Variants in SYNJ1 observed in about 807,000 individuals in gnomAD.
SYNJ1 encodes polyphosphatidylinositol phosphatase SYNJ1.
In SYNJ1, 78 loss-of-function variants were observed where a neutral mutation model predicts 168.2. The observed-to-expected ratio is 0.46, with a 90% CI of 0.39 to 0.56. SYNJ1 has a LOEUF of 0.56. Among genes scored for constraint, SYNJ1 ranks in the 20% least tolerant of loss-of-function variants. The pLI, the probability that SYNJ1 is intolerant of heterozygous loss-of-function variation, is 0.00. For synonymous variants in SYNJ1, 539 were observed against 548.6 expected, an observed-to-expected ratio of 0.98 and a Z score of 0.24; for missense variants, 1,303 against 1,597.6, an observed-to-expected ratio of 0.82 and a Z score of 3.14.
rs774821806 is a variant in SYNJ1 at position 32,639,826 on chromosome 21, A to G, written c.3589-47T>C. The G allele has an allele frequency of 2.0e-6, 3 of 1,504,668 alleles. No individual in the cohort carries two copies. In the South Asian group the frequency reaches 3.4e-5, roughly 17 times the overall value. 93.2% of individuals were successfully genotyped at this position (1,504,668 alleles called of 1,614,324 possible). A position where few individuals can be genotyped will look rare whatever the true frequency, so the allele number is the denominator to read the frequency against. On this transcript the variant is annotated intron_variant, in intron 29 of 32. Transcript: ENST00000674351. ...CTTGAGACATTTACTTACCTTCCAC[A>G]GGTAAAATTCTGTGAAAACATTTGC...
At chr21:32,667,300 C>T (rs1004540133) in intron 15 of SYNJ1, among the ~76,000 whole-genome samples, 1 of 152,092 alleles carries the variant, frequency 6.6e-6, no homozygotes, top group African/African-American at 2.4e-5. Context: ...TAACTAATGT[C>T]TTTTTAAAAA....
rs544054940 is a variant in SYNJ1, at chr21:32,661,825, A to G, written c.2304+3088T>C. Among the ~76,000 whole-genome samples, 22 of 152,238 alleles carry G rather than the reference A, an allele frequency of 1.4e-4. No homozygotes were observed. The East Asian group carries it at 4.2e-3, about 29-fold the overall frequency. ...CTCCTCCTATACTAGGGGGACTTCC[A>G]GGCACTCCCCGAGAGTTAGGTGAAA... On this transcript the variant is annotated intron_variant, in intron 18 of 32. Coordinates refer to ENST00000674351, the MANE Select transcript of SYNJ1 (RefSeq NM_203446.3).
chr21:32,639,232 T>C (rs1458400609), intron 30 of SYNJ1, 107 bp from the exon 31 acceptor site: 1 of 1,010,750 alleles, frequency 9.9e-7, no homozygotes, highest in Non-Finnish European at 1.4e-6. Flanking sequence ...CTTCCCCCAA[T>C]AAGTAGCCTC....
chr21:32,643,623 T>A (rs2039944584), intron 26 of SYNJ1, among the ~76,000 whole-genome samples, 166 bp from the exon 27 acceptor site: 1 of 152,228 alleles, frequency 6.6e-6, no homozygotes, highest in Admixed American at 6.5e-5. Flanking sequence ...TGACTTTAGA[T>A]GCTTGGCCCA....
chr21:32,684,019 T>G lies in SYNJ1; in HGVS notation c.1200+19A>C, dbSNP rs200918867. The G allele has an allele frequency of 6.2e-7, 1 of 1,609,572 alleles. No homozygotes were observed. Among genetic ancestry groups the G allele is most frequent in the Non-Finnish European group, 8.5e-7 (1 of 1,176,216 alleles). Reference sequence around the variant, plus strand: ...AGGCAGATGATACAAGGCACATACATTTTAATTTATTCTTTTACCTCTAAG... The same window carrying G: ...AGGCAGATGATACAAGGCACATACAGTTTAATTTATTCTTTTACCTCTAAG... On this transcript the variant is annotated intron_variant, in intron 10 of 32. Coordinates refer to ENST00000674351, the MANE Select transcript of SYNJ1 (RefSeq NM_203446.3).
chr21:32,714,093 T>C (rs2042936730), intron 2 of SYNJ1, among the ~76,000 whole-genome samples: 1 of 152,210 alleles, frequency 6.6e-6, no homozygotes. Flanking sequence ...CTACATGTAT[T>C]ATAATTTAAA....
intron 18 of SYNJ1, among the ~76,000 whole-genome samples, chr21:32,660,630 C>T (rs903183313): frequency 1.3e-5 from 2 of 152,252 alleles, no homozygotes; most frequent in Admixed American, 6.5e-5. Context: ...TGAACGCTGT[C>T]ATTGAAGCCA....
At chr21:32,691,201 G>A (rs907261997) in intron 6 of SYNJ1, among the ~76,000 whole-genome samples, 2 of 152,192 alleles carry the variant, frequency 1.3e-5, no homozygotes, top group Non-Finnish European at 1.5e-5. Flanking sequence ...TCTCATGAAT[G>A]GTTTGGCACT....
At chr21:32,636,858 C>T (rs775243428) in intron 31 of SYNJ1, among the ~76,000 whole-genome samples, 1 of 151,774 alleles carries the variant, frequency 6.6e-6, no homozygotes, top group Non-Finnish European at 1.5e-5. Flanking sequence ...ATGACTGAGG[C>T]AAAAAGATAC....
intron 26 of SYNJ1, 104 bp downstream of exon 26, chr21:32,644,864 A>T (rs1360011074): frequency 1.6e-6 from 2 of 1,270,308 alleles, no homozygotes; most frequent in Non-Finnish European, 2.2e-6. Context: ...TTTAAACTAG[A>T]ATGTCATTCA....
Position 32,699,954 on chromosome 21 carries a change from T to C in SYNJ1, c.363A>G (p.Lys121=). 2 of 1,614,182 alleles carry C rather than the reference T, an allele frequency of 1.2e-6. No individual in the cohort carries two copies. The highest frequency in any genetic ancestry group is 1.7e-6 in the Non-Finnish European group (2 of 1,180,038). Residue 121 remains lysine (K), a synonymous_variant, in exon 4 of 33, where the codon AAA becomes AAG. Transcript: ENST00000674351. ...SDEDRISEVR[K]VLNSGNFYFA... is the part of the protein sequence containing the mutation. The stretch of plus-strand genomic sequence containing the variant: ...AATAAAAGTTTCCTGAATTCAAAAC[T>C]TTCCGCACTTCTGAAATGCGATCCT...
At position 32,646,622 on chromosome 21, in the gene SYNJ1, A is replaced by G; in HGVS notation, c.3038-20T>C. 1.9e-6 allele frequency: 3 copies of G among 1,593,726 alleles called. No individual in the cohort carries two copies. Among genetic ancestry groups the G allele is most frequent in the Non-Finnish European group, 2.6e-6 (3 of 1,161,578 alleles). The stretch of plus-strand genomic sequence containing the variant: ...CATCACCTAAGGAAAAGCAGGCTTG[A>G]TCAGAGATAACTCCATTTTAACTTG... On this transcript the variant is annotated intron_variant, in intron 23 of 32. Transcript: ENST00000674351.
At chr21:32,727,925 G>GC (rs1313277670) in intron 1 of SYNJ1, 21 bp downstream of exon 1, 35 of 1,531,650 alleles carry the variant, frequency 2.3e-5, no homozygotes, top group Non-Finnish European at 2.8e-5. Flanking sequence ...GCAGCTCCCC[G>GC]CCCCCCGCCG....
intron 15 of SYNJ1, among the ~76,000 whole-genome samples, chr21:32,667,943 G>T (rs551704078): frequency 2.9e-4 from 44 of 151,906 alleles, no homozygotes; most frequent in African/African-American, 9.2e-4. Flanking sequence ...ACTTAAGAGT[G>T]GTACTCAGTA....
Position 32,711,308 on chromosome 21 carries a change from C to T in SYNJ1, c.125-9261G>A, listed in dbSNP as rs2042819678. Among the ~76,000 whole-genome samples the T allele has an allele frequency of 2.0e-5, 3 of 151,802 alleles. No homozygotes were observed. The South Asian group carries it at 6.2e-4, about 32-fold the overall frequency. ...CTCTATCATATTATTTGACATCCTC[C>T]ACCTTTTTCTTTTTTCTGGAGTGAC... On this transcript the variant is annotated intron_variant, in intron 2 of 32. Coordinates refer to ENST00000674351, the MANE Select transcript of SYNJ1 (RefSeq NM_203446.3).
At chr21:32,685,130 C>G (rs1360608726) in intron 9 of SYNJ1, among the ~76,000 whole-genome samples, 3 of 139,956 alleles carry the variant, frequency 2.1e-5, no homozygotes, top group Non-Finnish European at 4.6e-5. Context: ...TGCAGTGAGC[C>G]AAGATCGCAC....
At chr21:32,673,599 C>T in intron 13 of SYNJ1, 68 bp from the exon 14 acceptor site, 2 of 1,360,908 alleles carry the variant, frequency 1.5e-6, no homozygotes, top group South Asian at 3.1e-5. Flanking sequence ...ATTTTCATAA[C>T]TGAGATACGA....
At chr21:32,704,985 G>A (rs1601487539) in intron 2 of SYNJ1, among the ~76,000 whole-genome samples, 1 of 151,614 alleles carries the variant, frequency 6.6e-6, no homozygotes. Flanking sequence ...CTGTCTCTAC[G>A]AAAAACACAA....
chr21:32,688,086 C>T (rs906812825), intron 7 of SYNJ1, among the ~76,000 whole-genome samples: 2 of 152,082 alleles, frequency 1.3e-5, no homozygotes, highest in Middle Eastern at 3.4e-3. Context: ...CTGGACAATG[C>T]GCCCACAGAG....
Sources: gnomAD v4.1 joint callset for allele counts (sites outside exome capture counted in the v4.1 genomes callset) on GRCh38, gnomAD v4.1.1 for gene constraint, MANE v1.5 for transcripts, NCBI Gene and HGNC (gene_info 2026-07-23, HGNC 2026-07-21) for gene names.